The following CATSPERB variants were observed in gnomAD, a reference collection of about 807,000 sequenced individuals.
The protein encoded by CATSPERB is cation channel sperm-associated auxiliary subunit beta.
CATSPERB carries 93 observed loss-of-function variants against 128.3 expected under a neutral mutation model. The observed-to-expected ratio is 0.72, with a 90% CI of 0.61 to 0.86. The LOEUF (loss-of-function observed/expected upper bound fraction) is 0.86. CATSPERB is among the 40% of genes least tolerant of loss of function. The pLI, the probability that CATSPERB is intolerant of heterozygous loss-of-function variation, is 0.00. For missense variants in CATSPERB, 1,153 were observed against 1,329.5 expected, an observed-to-expected ratio of 0.87 and a Z score of 2.06; for synonymous variants, 381 against 448.8, an observed-to-expected ratio of 0.85 and a Z score of 1.91.
chr14:91,605,089 G>T, intron 22 of CATSPERB: 1 of 1,242,726 alleles, frequency 8.0e-7, no homozygotes, highest in Non-Finnish European at 1.2e-6. Context: ...CTGCAGAAGT[G>T]GGTTGTTTGC....
intron 22 of CATSPERB, among the ~76,000 whole-genome samples, chr14:91,597,895 T>C (rs1566697886): frequency 1.3e-5 from 2 of 152,150 alleles, no homozygotes; most frequent in African/African-American, 4.8e-5. Flanking sequence ...GATAAATGGA[T>C]GCAATAACAT....
intron 14 of CATSPERB, among the ~76,000 whole-genome samples, chr14:91,663,173 C>T (rs1249672069): frequency 6.6e-6 from 1 of 152,026 alleles, no homozygotes; most frequent in Non-Finnish European, 1.5e-5. Flanking sequence ...AGTTAAGAGA[C>T]TCTGTGATCT....
intron 23 of CATSPERB, among the ~76,000 whole-genome samples, chr14:91,591,104 C>T (rs547856589): frequency 1.2e-4 from 18 of 152,208 alleles, no homozygotes; most frequent in Non-Finnish European, 2.2e-4. Flanking sequence ...GTCATCCAGG[C>T]TGGAGTGCAG....
chr14:91,729,533 T>C (rs1414564373), intron 1 of CATSPERB, 54 bp from the exon 2 acceptor site: 2 of 955,990 alleles, frequency 2.1e-6, no homozygotes, highest in African/African-American at 3.3e-5. Flanking sequence ...TATTTTTGAA[T>C]TCCTTTTGCT....
intron 17 of CATSPERB, among the ~76,000 whole-genome samples, chr14:91,635,106 G>A (rs928493145): frequency 1.3e-5 from 2 of 151,898 alleles, no homozygotes; most frequent in Non-Finnish European, 2.9e-5. Flanking sequence ...CGTGGTGGAA[G>A]GGCCTAGCTA....
rs562872391 is a variant in CATSPERB, at chr14:91,586,503, G to T, written c.3132+699C>A. 4.7e-5 allele frequency among the ~76,000 whole-genome samples: 7 copies of T among 149,320 alleles called. No individual in the cohort carries two copies. The East Asian group carries it at 1.4e-3, about 30-fold the overall frequency. ...AATGGCCACCCACCACTGTAGTAGT[G>T]CAGAGCCATTATTGGAGCTGGCCTT... On this transcript the variant is annotated intron_variant, in intron 26 of 26. Coordinates refer to ENST00000256343, the MANE Select transcript of CATSPERB (RefSeq NM_024764.4).
intron 15 of CATSPERB, among the ~76,000 whole-genome samples, chr14:91,649,867 T>C (rs1894675519): frequency 6.6e-6 from 1 of 152,124 alleles, no homozygotes; most frequent in African/African-American, 2.4e-5. Flanking sequence ...ACTCTCACTG[T>C]GTTTTTATTT....
chr14:91,658,484 C>T (rs1658821515), intron 15 of CATSPERB, among the ~76,000 whole-genome samples: 1 of 150,592 alleles, frequency 6.6e-6, no homozygotes, highest in South Asian at 2.1e-4. Context: ...TTTGACAGCA[C>T]AACAGAGTGA....
At chr14:91,646,523 C>T (rs1244348036) in intron 15 of CATSPERB, among the ~76,000 whole-genome samples, 1 of 152,236 alleles carries the variant, frequency 6.6e-6, no homozygotes, top group African/African-American at 2.4e-5. Context: ...TTCAACCTCT[C>T]TCTCAGTAAG....
Position 91,719,417 on chromosome 14 carries a change from C to A in CATSPERB, c.370+1G>T, listed in dbSNP as rs1895993357. On this transcript the variant is annotated splice_donor_variant, in intron 5 of 26. Transcript: ENST00000256343. LOFTEE classifies it high-confidence loss of function. Reference sequence around the variant, plus strand: ...AAAGAATTAATTCAGATCACTCTTACCTGTGCTTTGTGTGATGTTTTCTCT... The same window carrying A: ...AAAGAATTAATTCAGATCACTCTTAACTGTGCTTTGTGTGATGTTTTCTCT... The A allele has an allele frequency of 6.2e-7, 1 of 1,607,714 alleles. No individual in the cohort carries two copies. Among genetic ancestry groups the A allele is most frequent in the South Asian group, 1.1e-5 (1 of 90,380 alleles).
At chr14:91,634,423 A>T (rs2139800630) in intron 17 of CATSPERB, among the ~76,000 whole-genome samples, 1 of 152,050 alleles carries the variant, frequency 6.6e-6, no homozygotes, top group South Asian at 2.1e-4. Flanking sequence ...AGGTAATAAG[A>T]TTATCTACTT....
chr14:91,624,066 G>T (rs188048851), intron 18 of CATSPERB, among the ~76,000 whole-genome samples: 1 of 152,220 alleles, frequency 6.6e-6, no homozygotes, highest in Admixed American at 6.5e-5. Flanking sequence ...AAAAATCTTG[G>T]GCAGAGTGTG....
chr14:91,607,985 T>A (rs79399980), intron 22 of CATSPERB, among the ~76,000 whole-genome samples: 35 of 152,290 alleles, frequency 2.3e-4, no homozygotes, highest in African/African-American at 8.2e-4. Flanking sequence ...CATCATTCCG[T>A]TCACAGAGCT....
intron 11 of CATSPERB, among the ~76,000 whole-genome samples, chr14:91,683,425 CT>C (rs1895319929): frequency 6.6e-6 from 1 of 152,132 alleles, no homozygotes; most frequent in South Asian, 2.1e-4. Flanking sequence ...ACTGTTTTTT[CT>C]TTTCTTGCTT....
chr14:91,607,205 C>T (rs1301100238), intron 22 of CATSPERB, among the ~76,000 whole-genome samples: 1 of 151,866 alleles, frequency 6.6e-6, no homozygotes, highest in East Asian at 1.9e-4. Flanking sequence ...AAAACCTCTA[C>T]CTTATGAGCT....
intron 24 of CATSPERB, among the ~76,000 whole-genome samples, chr14:91,588,376 C>T (rs975290155): frequency 6.6e-6 from 1 of 152,146 alleles, no homozygotes; most frequent in Non-Finnish European, 1.5e-5. Flanking sequence ...TTCAAGACTT[C>T]TGATCAGCTT....
chr14:91,636,579 G>A lies in CATSPERB; in HGVS notation c.1588C>T (p.Pro530Ser). 6.2e-7 allele frequency: 1 copy of A among 1,605,602 alleles called. No individual in the cohort carries two copies. Among genetic ancestry groups the A allele is most frequent in the South Asian group, 1.1e-5 (1 of 89,704 alleles). ...FGNSRNLFGQ[P>S]PDMGFETALA... ...GCAGTCTCAAAGCCCATATCTGGAG[G>A]CTGGAAACAGAGAAAAGAAAATATT... The change falls in exon 17 of 27, where the codon CCT becomes TCT. Residue 530 changes from proline (P) to serine (S), a missense_variant and splice_region_variant. By Grantham distance (74) the Pro-to-Ser change is moderately conservative (BLOSUM62 -1). Coordinates refer to ENST00000256343, the MANE Select transcript of CATSPERB (RefSeq NM_024764.4).
At chr14:91,632,311 A>G (rs1477912212) in intron 17 of CATSPERB, among the ~76,000 whole-genome samples, 2 of 152,182 alleles carry the variant, frequency 1.3e-5, no homozygotes, top group Non-Finnish European at 2.9e-5. Context: ...AAAAAGCTAC[A>G]AACAAAAACA....
chr14:91,719,619 A>G, intron 4 of CATSPERB, 141 bp from the exon 5 acceptor site: 1 of 595,568 alleles, frequency 1.7e-6, no homozygotes, highest in Admixed American at 3.3e-5. Flanking sequence ...ACTCTTAGGA[A>G]TTTTTCCTAC....
Sources: allele counts gnomAD v4.1 joint callset (sites outside exome capture counted in the v4.1 genomes callset), GRCh38; gene constraint gnomAD v4.1.1; transcripts MANE v1.5; gene names NCBI Gene and HGNC (gene_info 2026-07-23, HGNC 2026-07-21).